Variants in ANKRD10 observed in about 807,000 individuals in gnomAD.
ANKRD10 encodes ankyrin repeat domain-containing protein 10.
In ANKRD10, 14 loss-of-function variants were observed where a neutral mutation model predicts 27.0. The observed-to-expected ratio is 0.52, with a 90% CI of 0.34 to 0.81. The LOEUF (loss-of-function observed/expected upper bound fraction) is 0.81, where lower values mean the gene tolerates loss of function less well. Ranked by LOEUF, ANKRD10 falls within the 40% of genes least tolerant of loss-of-function variation. ANKRD10 has a pLI of 0.01. For missense variants in ANKRD10, 493 were observed against 544.0 expected (o/e 0.91, Z 0.93); for synonymous variants, 250 against 224.5 (o/e 1.11, Z -1.01).
intron 5 of ANKRD10, among the ~76,000 whole-genome samples, chr13:110,880,578 A>C (rs1427758166): frequency 6.6e-6 from 1 of 152,214 alleles, no homozygotes; most frequent in Non-Finnish European, 1.5e-5. Flanking sequence ...AAGGTAAATG[A>C]AGTGAATTAA....
chr13:110,888,359 C>G (rs780973397), intron 4 of ANKRD10, among the ~76,000 whole-genome samples: 3 of 151,874 alleles, frequency 2.0e-5, no homozygotes, highest in Admixed American at 6.6e-5. Context: ...AAGTGTAATT[C>G]AGACTGTATT....
chr13:110,913,869 C>T (rs1467456048), intron 1 of ANKRD10, among the ~76,000 whole-genome samples: 1 of 152,138 alleles, frequency 6.6e-6, no homozygotes, highest in Non-Finnish European at 1.5e-5. Flanking sequence ...AGAGCAAGTA[C>T]CCCAACGACT....
chr13:110,885,555 GAAAA>G (rs914509584), intron 4 of ANKRD10, among the ~76,000 whole-genome samples: 5 of 151,344 alleles, frequency 3.3e-5, no homozygotes, highest in Admixed American at 6.6e-5. Context: ...TAAAAAAAAA[GAAAA>G]AAAGAAAGAA....
At position 110,914,717 on chromosome 13, in the gene ANKRD10, G is replaced by A; in HGVS notation, c.210+8C>T. On this transcript the variant is annotated splice_region_variant and intron_variant, in intron 1 of 5. Coordinates refer to ENST00000267339, the MANE Select transcript of ANKRD10 (RefSeq NM_017664.4). ...GGGAAAATGGCGCCTTAAAGCGTTC[G>A]CACCCACCTTGCCGAAATGCGCGGC... 6.4e-7 allele frequency: 1 copy of A among 1,571,168 alleles called. No individual in the cohort carries two copies. Among genetic ancestry groups the A allele is most frequent in the South Asian group, 1.2e-5 (1 of 85,500 alleles).
chr13:110,883,333 A>G (rs1481850811), intron 5 of ANKRD10: 1 of 214,890 alleles, frequency 4.7e-6, no homozygotes, highest in African/African-American at 2.3e-5. Context: ...TAAAAATGCA[A>G]ACCTCATTAA....
At chr13:110,903,414 T>C (rs886710928) in intron 3 of ANKRD10, 1 of 154,356 alleles carries the variant, frequency 6.5e-6, no homozygotes, top group Admixed American at 6.5e-5. Flanking sequence ...CACAGAAAAC[T>C]TGGCACCAAA....
chr13:110,904,268 T>C (rs1306704656), intron 3 of ANKRD10: 3 of 152,174 alleles, frequency 2.0e-5, no homozygotes, highest in Non-Finnish European at 4.4e-5. Context: ...GTGGCTCTTA[T>C]ACTGAGAAGG....
intron 2 of ANKRD10, among the ~76,000 whole-genome samples, chr13:110,909,358 G>C (rs1194616230): frequency 6.6e-6 from 1 of 152,110 alleles, no homozygotes; most frequent in African/African-American, 2.4e-5. Context: ...CAGGGGACAG[G>C]GGTAGGGAAG....
At chr13:110,901,524 A>T (rs1427398175) in intron 3 of ANKRD10, among the ~76,000 whole-genome samples, 2 of 152,248 alleles carry the variant, frequency 1.3e-5, no homozygotes, top group African/African-American at 2.4e-5. Context: ...CTACCTATAA[A>T]AGTAGTAAGG....
At chr13:110,909,935 G>A (rs886766172) in intron 2 of ANKRD10, among the ~76,000 whole-genome samples, 1 of 152,202 alleles carries the variant, frequency 6.6e-6, no homozygotes, top group South Asian at 2.1e-4. Context: ...TTAGTCTAAG[G>A]ACTAATCCAT....
intron 3 of ANKRD10, among the ~76,000 whole-genome samples, chr13:110,896,906 A>C (rs1172827865): frequency 1.3e-5 from 2 of 152,262 alleles, no homozygotes; most frequent in African/African-American, 2.4e-5. Flanking sequence ...AATAACATTT[A>C]ACCAAATAGA....
At chr13:110,906,328 T>C (rs189455576) in intron 2 of ANKRD10, among the ~76,000 whole-genome samples, 140 of 152,228 alleles carry the variant, frequency 9.2e-4, no homozygotes, top group Non-Finnish European at 1.5e-3. Flanking sequence ...TATTTGGTCG[T>C]TGACCAAATA....
At chr13:110,914,564 T>G (rs951501546) in intron 1 of ANKRD10, 161 bp downstream of exon 1, 6 of 1,045,336 alleles carry the variant, frequency 5.7e-6, no homozygotes, top group African/African-American at 3.4e-5. Flanking sequence ...CCGCGAGCGC[T>G]GCCGCACAGG....
chr13:110,904,908 A>G (rs552597554), intron 3 of ANKRD10: 1 of 152,284 alleles, frequency 6.6e-6, no homozygotes, highest in African/African-American at 2.4e-5. Context: ...TTCACAGATG[A>G]TTGACAGCCT....
intron 1 of ANKRD10, chr13:110,911,504 T>G (rs575486304): frequency 6.6e-6 from 1 of 151,514 alleles, no homozygotes; most frequent in Non-Finnish European, 1.5e-5. Context: ...CAGTGCCTCA[T>G]GCCTGTAATT....
In ANKRD10 at chr13:110,878,691, T is replaced by C. The variant is rs1027193412; in HGVS notation, c.*946A>G. On this transcript the variant is annotated 3_prime_UTR_variant, in exon 6 of 6. Coordinates refer to ENST00000267339, the MANE Select transcript of ANKRD10 (RefSeq NM_017664.4). ...AAAAGTAAAAATTCATTACAATATT[T>C]GCAGAGTATAACCACTAGTTGCCTA... is the stretch of plus-strand genomic sequence containing the variant. 1 of 152,662 alleles carries C rather than the reference T, an allele frequency of 6.6e-6. No homozygotes were observed. Among genetic ancestry groups the C allele is most frequent in the African/African-American group, 2.4e-5 (1 of 41,454 alleles). The allele number at this position is 152,662 out of a possible 1,614,324, so 9.5% of individuals were successfully genotyped here. A position where few individuals can be genotyped will look rare whatever the true frequency, so the allele number is the denominator to read the frequency against.
intron 4 of ANKRD10, among the ~76,000 whole-genome samples, chr13:110,891,275 T>A (rs74440654): frequency 0.28 from 42,335 of 152,018 alleles, 7,023 homozygotes; most frequent in Non-Finnish European, 0.38. Context: ...AGGATTTTTT[T>A]AAAAAGTGGA....
chr13:110,893,157 A>G lies in ANKRD10; in HGVS notation c.562T>C (p.Phe188Leu). Residue 188 changes from phenylalanine (F) to leucine (L), a missense_variant, in exon 4 of 6, where the codon TTC becomes CTC. By Grantham distance (22) the Phe-to-Leu change is conservative. Coordinates refer to ENST00000267339, the MANE Select transcript of ANKRD10 (RefSeq NM_017664.4). Reference sequence around the variant, plus strand: ...CCATTTAAGATGCCATTGTTATAGAAATGGTTCAGATGACAATTCTGGAGG... The same window carrying G: ...CCATTTAAGATGCCATTGTTATAGAGATGGTTCAGATGACAATTCTGGAGG... ...LNLQNCHLNH[F>L]YNNGILNGGH... is the part of the protein sequence containing the mutation. 6.2e-7 allele frequency: 1 copy of G among 1,614,166 alleles called. No individual in the cohort carries two copies. Among genetic ancestry groups the G allele is most frequent in the South Asian group, 1.1e-5 (1 of 91,086 alleles).
chr13:110,904,667 G>C (rs1168182911), intron 3 of ANKRD10, among the ~76,000 whole-genome samples: 1 of 152,118 alleles, frequency 6.6e-6, no homozygotes, highest in Non-Finnish European at 1.5e-5. Context: ...AAATAACTTT[G>C]CTTTAAAGCA....
Sources: gnomAD v4.1 joint callset for allele counts (sites outside exome capture counted in the v4.1 genomes callset) on GRCh38, gnomAD v4.1.1 for gene constraint, MANE v1.5 for transcripts, NCBI Gene and HGNC (gene_info 2026-07-23, HGNC 2026-07-21) for gene names.